Variants in CAPN7 observed in about 807,000 individuals in gnomAD.
CAPN7 encodes calpain-7.
In CAPN7, 72 loss-of-function variants were observed where a neutral mutation model predicts 115.2. The ratio of observed to expected loss-of-function variants is 0.63; its 90% CI spans 0.52 to 0.76. The LOEUF (loss-of-function observed/expected upper bound fraction) is 0.76. Among genes scored for constraint, CAPN7 ranks in the 30% least tolerant of loss-of-function variants. The probability of loss-of-function intolerance (pLI) is 0.00; values close to 1 mark genes in which losing one functional copy is unlikely to be tolerated. For missense variants in CAPN7, 905 were observed against 971.5 expected (o/e 0.93, Z 0.91); for synonymous variants, 344 against 322.3 (o/e 1.07, Z -0.72).
intron 6 of CAPN7, 140 bp from the exon 7 acceptor site, chr3:15,227,699 T>G: frequency 2.4e-6 from 1 of 419,294 alleles, no homozygotes; most frequent in South Asian, 1.2e-4. Flanking sequence ...AGAGCCAGAT[T>G]TGACCAGAAG....
chr3:15,228,894 C>A, intron 7 of CAPN7, 80 bp from the exon 8 acceptor site: 2 of 1,027,838 alleles, frequency 1.9e-6, no homozygotes, highest in Admixed American at 2.0e-5. Flanking sequence ...AAAGTAGGTA[C>A]TTGGGGCAAT....
In CAPN7 at chr3:15,232,617, A is replaced by T. The variant is rs750802463; in HGVS notation, c.1131A>T (p.Lys377Asn). 1 of 1,612,782 alleles carries T rather than the reference A, an allele frequency of 6.2e-7. No individual in the cohort carries two copies. Among genetic ancestry groups the T allele is most frequent in the Non-Finnish European group, 8.5e-7 (1 of 1,179,420 alleles). Residue 377 changes from lysine (K) to asparagine (N), a missense_variant, in exon 10 of 21, where the codon AAA (lysine) becomes AAT (asparagine). Coordinates refer to ENST00000253693, the MANE Select transcript of CAPN7 (RefSeq NM_014296.3). ...KSELWVSLIE[K>N]AYMKVMGGYD... ...AATTATGGGTTTCTCTCATAGAAAA[A>T]GCATACATGAAAGTCATGGGAGGAT...
At chr3:15,248,538 A>G (rs1041130220) in intron 19 of CAPN7, among the ~76,000 whole-genome samples, 7 of 152,260 alleles carry the variant, frequency 4.6e-5, no homozygotes, top group African/African-American at 1.4e-4. Context: ...GTCGAGGGAC[A>G]GGAGTTGCAA....
In CAPN7 at chr3:15,240,976, GGGT is replaced by G. The variant is rs992131272; in HGVS notation, c.1652+126_1652+128del. 1.7e-4 allele frequency: 100 copies of G among 595,538 alleles called. No homozygotes were observed. The African/African-American group carries it at 1.8e-3, about 11-fold the overall frequency. The allele number at this position is 595,538 out of a possible 1,614,324, so 36.9% of individuals were successfully genotyped here. ...TCCCAGCACTTTGGGAGGCCGAGGT[GGGT>G]GGATCAGTTGACCTCAGGAGTTCTA... On this transcript the variant is annotated intron_variant, in intron 14 of 20. Coordinates refer to ENST00000253693, the MANE Select transcript of CAPN7 (RefSeq NM_014296.3).
At chr3:15,245,020 A>G (rs558106342) in intron 16 of CAPN7, among the ~76,000 whole-genome samples, 4 of 152,054 alleles carry the variant, frequency 2.6e-5, no homozygotes, top group Non-Finnish European at 5.9e-5. Flanking sequence ...ATTCAAGTCT[A>G]AAAAGATGCT....
intron 2 of CAPN7, among the ~76,000 whole-genome samples, chr3:15,214,908 G>T (rs2045160083): frequency 1.3e-5 from 2 of 152,190 alleles, no homozygotes; most frequent in South Asian, 4.1e-4. Context: ...TTTTCACGCT[G>T]CTGGGTGGCA....
In CAPN7 at chr3:15,245,679, A is replaced by G; in HGVS notation, c.2010+8A>G. On this transcript the variant is annotated splice_region_variant and intron_variant, in intron 17 of 20. Coordinates refer to ENST00000253693, the MANE Select transcript of CAPN7 (RefSeq NM_014296.3). The stretch of plus-strand genomic sequence containing the variant: ...ATCCATTACACGGTTCGGGTAAGTA[A>G]AACCAACACACAATGACAAAACACA... 6.2e-7 allele frequency: 1 copy of G among 1,610,558 alleles called. No individual in the cohort carries two copies. Among genetic ancestry groups the G allele is most frequent in the Non-Finnish European group, 8.5e-7 (1 of 1,178,486 alleles).
At chr3:15,223,609 A>G in intron 6 of CAPN7, 48 bp downstream of exon 6, 1 of 1,047,604 alleles carries the variant, frequency 9.5e-7, no homozygotes, top group African/African-American at 1.6e-5. Flanking sequence ...TTAACTTTTC[A>G]GTACTCTGAA....
chr3:15,232,544 T>C lies in CAPN7; in HGVS notation c.1058T>C (p.Val353Ala). The change falls in exon 10 of 21, where the codon GTT becomes GCT. Residue 353 changes from valine to alanine, a missense_variant. Around this residue, in one of 3 missense-constraint regions of CAPN7, gnomAD observed 620 missense variants for 703.4 expected, o/e 0.88. Transcript: ENST00000253693. ...GTGATAATTGATGACCAGTTACCTG[T>C]TGATCACAAGGGAGAATTGCTCTGT... The part of the protein sequence containing the change: ...RKVIIDDQLP[V>A]DHKGELLCSY... 3 of 1,610,854 alleles carry C rather than the reference T, an allele frequency of 1.9e-6. No homozygotes were observed. The highest frequency in any genetic ancestry group is 2.5e-6 in the Non-Finnish European group (3 of 1,178,760).
chr3:15,230,139 C>G (rs891780854), intron 8 of CAPN7, among the ~76,000 whole-genome samples: 4 of 152,136 alleles, frequency 2.6e-5, no homozygotes, highest in Non-Finnish European at 1.5e-5. Flanking sequence ...ATTATTTTAA[C>G]TGGCTTAAAA....
intron 5 of CAPN7, among the ~76,000 whole-genome samples, chr3:15,221,624 C>G (rs974682739): frequency 8.6e-5 from 13 of 151,968 alleles, no homozygotes; most frequent in African/African-American, 2.7e-4. Flanking sequence ...CACTCTTAAT[C>G]TATGCAACTT....
intron 6 of CAPN7, among the ~76,000 whole-genome samples, chr3:15,224,213 G>GA (rs1008822278): frequency 1.3e-5 from 2 of 149,638 alleles, no homozygotes; most frequent in East Asian, 3.9e-4. Flanking sequence ...AAAACTGTAG[G>GA]AAAAAAAATG....
In CAPN7 at chr3:15,246,776, A is replaced by G. The variant is rs373839285; in HGVS notation, c.2055A>G (p.Pro685=). The G allele has an allele frequency of 4.4e-6, 7 of 1,605,888 alleles. No individual in the cohort carries two copies. In the East Asian group the frequency reaches 1.1e-4, roughly 26 times the overall value. ...CSFTFSKIPS[P]YTLSKRINGK... ...TTACTTTTTCAAAGATTCCTTCACC[A>G]TACACCTTATCAAAACGGGTGAGAA... The change falls in exon 18 of 21, where the codon CCA becomes CCG. Residue 685 remains proline (P), a synonymous_variant. Transcript: ENST00000253693.
chr3:15,231,006 G>A (rs1392983695), intron 9 of CAPN7, among the ~76,000 whole-genome samples: 2 of 151,978 alleles, frequency 1.3e-5, no homozygotes, highest in Non-Finnish European at 2.9e-5. Flanking sequence ...TGTTATAAGG[G>A]CCTTGCATTG....
Position 15,210,722 on chromosome 3 carries a change from A to G in CAPN7, c.103-1382A>G, listed in dbSNP as rs934170887. 7 of 1,176,098 alleles carry G rather than the reference A, an allele frequency of 6.0e-6. No individual in the cohort carries two copies. In the African/African-American group the frequency reaches 1.1e-4, roughly 19 times the overall value. 72.9% of individuals were successfully genotyped at this position (1,176,098 alleles called of 1,614,324 possible). ...GTGATCCTCCCGCCTCAGCCTCCTG[A>G]GTAGCTGGGACTACTTTGTAGAGAC... On this transcript the variant is annotated intron_variant, in intron 1 of 20. Coordinates refer to ENST00000253693, the MANE Select transcript of CAPN7 (RefSeq NM_014296.3).
At chr3:15,238,611 C>T (rs1005373306) in intron 12 of CAPN7, among the ~76,000 whole-genome samples, 18 of 151,988 alleles carry the variant, frequency 1.2e-4, no homozygotes, top group African/African-American at 4.1e-4. Context: ...TGTTTGACTA[C>T]CTCTAATCTG....
rs1385479482 is a variant in CAPN7 at position 15,251,343 on chromosome 3, C to T, written c.*83C>T. On this transcript the variant is annotated 3_prime_UTR_variant, in exon 21 of 21. Coordinates refer to ENST00000253693, the MANE Select transcript of CAPN7 (RefSeq NM_014296.3). ...GGACGCAAATCTTCAGGACAGTAAG[C>T]AGAACAATCAGAATGGAATTAAATC... The T allele has an allele frequency of 9.1e-7, 1 of 1,102,526 alleles. No homozygotes were observed. The highest frequency in any genetic ancestry group is 1.3e-6 in the Non-Finnish European group (1 of 765,098). 68.3% of individuals were successfully genotyped at this position (1,102,526 alleles called of 1,614,324 possible). A position where few individuals can be genotyped will look rare whatever the true frequency, so the allele number is the denominator to read the frequency against.
At chr3:15,218,125 G>T (rs990434774) in intron 3 of CAPN7, among the ~76,000 whole-genome samples, 2 of 152,178 alleles carry the variant, frequency 1.3e-5, no homozygotes, top group African/African-American at 4.8e-5. Context: ...TTTTGGCAGA[G>T]ACTTTTGCTC....
At chr3:15,212,538 C>T (rs1327986600) in intron 2 of CAPN7, among the ~76,000 whole-genome samples, 2 of 152,198 alleles carry the variant, frequency 1.3e-5, no homozygotes, top group South Asian at 2.1e-4. Flanking sequence ...ATATCTGTCA[C>T]GTCTCTTCCT....
Sources: allele counts gnomAD v4.1 joint callset (sites outside exome capture counted in the v4.1 genomes callset), GRCh38; gene constraint gnomAD v4.1.1; regional missense constraint gnomAD v4.1.1; transcripts MANE v1.5; gene names NCBI Gene and HGNC (gene_info 2026-07-23, HGNC 2026-07-21).